Variants in UQCC6 observed in about 807,000 individuals in gnomAD.
UQCC6 encodes the protein ubiquinol-cytochrome c reductase complex assembly factor 6, also known as protein BRAWNIN.
At chr12:103,960,587 A>T in the UQCC6 span, among the ~76,000 whole-genome samples, 1 of 152,218 alleles carries the variant, frequency 6.6e-6, no homozygotes, top group Non-Finnish European at 1.5e-5. Flanking sequence ...AAAAACACAA[A>T]AACATAAAAA....
At chr12:103,962,688 C>A in the UQCC6 span, among the ~76,000 whole-genome samples, 1 of 152,248 alleles carries the variant, frequency 6.6e-6, no homozygotes, top group Non-Finnish European at 1.5e-5. Flanking sequence ...TTTCTGCACA[C>A]TCAGCCCCTT....
chr12:103,953,244 G>A, the UQCC6 span: 2 of 668,680 alleles, frequency 3.0e-6, no homozygotes, highest in South Asian at 1.6e-5. Flanking sequence ...CAAAAGAGGT[G>A]GTGAGAAGCA....
chr12:103,963,074 CTTTTT>C, the UQCC6 span, among the ~76,000 whole-genome samples: 2 of 138,220 alleles, frequency 1.4e-5, no homozygotes, highest in Non-Finnish European at 3.1e-5. Context: ...TAATACTACA[CTTTTT>C]TTTTTTTTTT....
the UQCC6 span, among the ~76,000 whole-genome samples, chr12:103,953,900 T>A: frequency 6.6e-6 from 1 of 152,250 alleles, no homozygotes; most frequent in East Asian, 1.9e-4. Context: ...GCCTGCCTGA[T>A]GTCTATTCCT....
chr12:103,957,235 G>C, the UQCC6 span: 1 of 152,490 alleles, frequency 6.6e-6, no homozygotes, highest in Admixed American at 6.5e-5. Context: ...GGGCCGCACC[G>C]GACAGGAAAG....
At chr12:103,964,240 C>T in the UQCC6 span, among the ~76,000 whole-genome samples, 4 of 138,382 alleles carry the variant, frequency 2.9e-5, no homozygotes, top group East Asian at 6.8e-4. Flanking sequence ...GCAACCTCTG[C>T]CTCCCTGGTT....
the UQCC6 span, chr12:103,956,500 G>T: frequency 1.6e-6 from 1 of 642,842 alleles, no homozygotes; most frequent in Non-Finnish European, 2.8e-6. Flanking sequence ...GATCACTTTT[G>T]CTGCCACGAG....
the UQCC6 span, among the ~76,000 whole-genome samples, chr12:103,960,919 T>C: frequency 6.6e-6 from 1 of 152,182 alleles, no homozygotes; most frequent in African/African-American, 2.4e-5. Flanking sequence ...TATACTTTTA[T>C]GGTTCTTACA....
the UQCC6 span, among the ~76,000 whole-genome samples, chr12:103,961,606 G>C: frequency 6.6e-6 from 1 of 152,092 alleles, no homozygotes; most frequent in Non-Finnish European, 1.5e-5. Flanking sequence ...GCCCAGGCTA[G>C]AGTGCAGTGG....
At chr12:103,959,667 G>A in the UQCC6 span, among the ~76,000 whole-genome samples, 2 of 151,792 alleles carry the variant, frequency 1.3e-5, no homozygotes, top group South Asian at 2.1e-4. Flanking sequence ...AGCTGAGATC[G>A]TGCCACTGTA....
chr12:103,964,297 T>C, the UQCC6 span, among the ~76,000 whole-genome samples: 1 of 151,752 alleles, frequency 6.6e-6, no homozygotes, highest in Non-Finnish European at 1.5e-5. Flanking sequence ...GGACTACAGG[T>C]GACAGAGATG....
chr12:103,955,049 T>C, the UQCC6 span: 3 of 675,540 alleles, frequency 4.4e-6, no homozygotes, highest in Non-Finnish European at 8.1e-6. Flanking sequence ...GCACAGTGGC[T>C]CATGCCTGTA....
At chr12:103,955,583 G>C in the UQCC6 span, 1 of 350,562 alleles carries the variant, frequency 2.9e-6, no homozygotes, top group Non-Finnish European at 5.6e-6. Flanking sequence ...GCGGTGAGCT[G>C]ATTGCACCAC....
the UQCC6 span, chr12:103,954,898 A>C: frequency 1.4e-6 from 1 of 698,554 alleles, no homozygotes; most frequent in Non-Finnish European, 2.6e-6. Flanking sequence ...TGGGCTTCAG[A>C]TCCTCAAATC....
the UQCC6 span, among the ~76,000 whole-genome samples, chr12:103,964,439 G>T: frequency 6.6e-6 from 1 of 152,084 alleles, no homozygotes; most frequent in Admixed American, 6.5e-5. Context: ...ACTTTCTTTT[G>T]CCATGCAAGA....
the UQCC6 span, among the ~76,000 whole-genome samples, chr12:103,959,154 C>A: frequency 5.3e-5 from 8 of 152,208 alleles, no homozygotes; most frequent in Non-Finnish European, 1.2e-4. Context: ...TACTTCAGAA[C>A]GCTGACTCCA....
the UQCC6 span, chr12:103,956,827 G>A: frequency 1.1e-6 from 1 of 877,278 alleles, no homozygotes; most frequent in Non-Finnish European, 1.8e-6. Flanking sequence ...GCTCCAGCCA[G>A]CGCTGGACAC....
At chr12:103,951,624 G>A in the UQCC6 span, 12 of 1,516,046 alleles carry the variant, frequency 7.9e-6, no homozygotes, top group Middle Eastern at 1.7e-4. Flanking sequence ...GGAATTTCAG[G>A]TATTGTCTGC....
At chr12:103,957,178 G>T in the UQCC6 span, 9,384 of 154,136 alleles carry the variant, frequency 0.061, 516 homozygotes, top group East Asian at 0.15. Flanking sequence ...GTCTAAGGGC[G>T]GACGGAGCGG....
Sources: gnomAD v4.1 joint callset for allele counts (sites outside exome capture counted in the v4.1 genomes callset) on GRCh38, gnomAD v4.1.1 for gene constraint, MANE v1.5 for transcripts, NCBI Gene and HGNC (gene_info 2026-07-23, HGNC 2026-07-21) for gene names.